Variants in DNAH1 observed in about 807,000 individuals in gnomAD.
The protein encoded by DNAH1 is axonemal beta dynein heavy chain 1.
A neutral mutation model predicts 484.3 loss-of-function variants in DNAH1; 327 were observed. The ratio of observed to expected loss-of-function variants is 0.68; its 90% confidence interval spans 0.62 to 0.74. DNAH1 has a LOEUF of 0.74. DNAH1 is among the 30% of genes least tolerant of loss of function. DNAH1 has a pLI of 0.00. For missense variants in DNAH1, 5,052 were observed against 5,546.8 expected (o/e 0.91, Z 2.83); for synonymous variants, 2,192 against 2,191.9 (o/e 1.00, Z 0.00).
Position 52,396,484 on chromosome 3 carries a change from C to A in DNAH1, c.11376C>A (p.Asn3792Lys), listed in dbSNP as rs768178830. The change falls in exon 71 of 78, where the codon AAC becomes AAA. Residue 3792 changes from asparagine to lysine, a missense_variant. Around this residue, in one of 4 missense-constraint regions of DNAH1, gnomAD observed 853 missense variants for 899.0 expected, o/e 0.95. Coordinates refer to ENST00000420323, the MANE Select transcript of DNAH1 (RefSeq NM_015512.5). ...TIEPPRGVRA[N>K]LLKSYSSLGE... ...AGCCGCCACGCGGTGTCAGGGCCAA[C>A]CTGCTGAAGTCCTATAGTAGCCTTG... 3.1e-6 allele frequency: 5 copies of A among 1,607,258 alleles called. No individual in the cohort carries two copies. In the Admixed American group the frequency reaches 5.1e-5, roughly 16 times the overall value.
rs1344785990 is a variant in DNAH1 at position 52,378,501 on chromosome 3, G to A, written c.7199-101G>A. The A allele has an allele frequency of 3.9e-6, 5 of 1,285,818 alleles. No individual in the cohort carries two copies. In the African/African-American group the frequency reaches 4.4e-5, roughly 11 times the overall value. The allele number at this position is 1,285,818 out of a possible 1,614,324, so 79.7% of individuals were successfully genotyped here. On this transcript the variant is annotated intron_variant, in intron 46 of 77. Transcript: ENST00000420323. ...AGCCTGAAGGCTGGGGAAGGGGCTT[G>A]GTGGGGGGCACAGCACAGCAAAGGC... is the stretch of plus-strand genomic sequence containing the variant.
In DNAH1 at chr3:52,358,879, C is replaced by T. The variant is rs1357912402; in HGVS notation, c.4266+142C>T. On this transcript the variant is annotated intron_variant, in intron 25 of 77. Transcript: ENST00000420323. This position sits in a 1 kb window ranked among gnomAD's most constrained non-coding sequence, Gnocchi z 4.2. ...CTCAGGCGGGATTCTGGAGTCTTTC[C>T]TTTCCACACACACTCCAGAAAGTGG... 5.1e-6 allele frequency: 5 copies of T among 971,026 alleles called. No individual in the cohort carries two copies. The highest frequency in any genetic ancestry group is 2.9e-5 in the Admixed American group (1 of 34,322). The allele number at this position is 971,026 out of a possible 1,614,324, so 60.2% of individuals were successfully genotyped here.
Position 52,369,991 on chromosome 3 carries a change from T to A in DNAH1, c.6110T>A (p.Phe2037Tyr). Residue 2037 changes from phenylalanine to tyrosine, a missense_variant, in exon 38 of 78, where the codon TTC becomes TAC. Around this residue, in one of 4 missense-constraint regions of DNAH1, gnomAD observed 2,929 missense variants for 3,409.4 expected, o/e 0.86. Transcript: ENST00000420323. ...TTGCTGAAGCCCTATGAGGAGCATT[T>A]CAAGGCCCTCTTTGTCAGCTTCCTG... is the stretch of plus-strand genomic sequence containing the variant. Reference protein sequence around the residue: ...PPLLKPYEEHFKALFVSFLEE... With the variant: ...PPLLKPYEEHYKALFVSFLEE... The A allele has an allele frequency of 1.2e-6, 2 of 1,613,534 alleles. No homozygotes were observed. Among genetic ancestry groups the A allele is most frequent in the Non-Finnish European group, 1.7e-6 (2 of 1,179,562 alleles).
Position 52,376,161 on chromosome 3 carries a change from T to A in DNAH1, c.7198+168T>A, listed in dbSNP as rs543409472. ...AGCGAAGGTTGACACAGGCACTGGCTGCCCCATAGGCTCATTCACCCATTC... is the reference window on the plus strand; with the variant it reads ...AGCGAAGGTTGACACAGGCACTGGCAGCCCCATAGGCTCATTCACCCATTC... On this transcript the variant is annotated intron_variant, in intron 46 of 77. Transcript: ENST00000420323. 2.0e-5 allele frequency among the ~76,000 whole-genome samples: 3 copies of A among 152,306 alleles called. No individual in the cohort carries two copies. The East Asian group carries it at 5.8e-4, about 29-fold the overall frequency.
At chr3:52,317,308 T>C (rs1454168012) in intron 1 of DNAH1, among the ~76,000 whole-genome samples, 2 of 152,040 alleles carry the variant, frequency 1.3e-5, no homozygotes, top group Non-Finnish European at 2.9e-5. Flanking sequence ...ATGAGGGGCA[T>C]CAGAGGGTGG....
chr3:52,382,801 T>A (rs1165734787), intron 50 of DNAH1, among the ~76,000 whole-genome samples: 1 of 152,216 alleles, frequency 6.6e-6, no homozygotes, highest in Non-Finnish European at 1.5e-5. Context: ...TGCTCCCTCT[T>A]GGGATGGCAT....
In DNAH1 at chr3:52,398,910, G is replaced by A. The variant is rs574007104; in HGVS notation, c.12150G>A (p.Lys4050=). ...TGCAAGACCTACTCAAGGCACTCAA[G>A]GGGCTGGTAGTGATGTCCTCTCAGC... The part of the protein sequence containing the change: ...QTLQDLLKAL[K]GLVVMSSQLE... Residue 4050 remains lysine (K), a synonymous_variant, in exon 76 of 78, where the codon AAG becomes AAA. Coordinates refer to ENST00000420323, the MANE Select transcript of DNAH1 (RefSeq NM_015512.5). 3.1e-6 allele frequency: 5 copies of A among 1,607,504 alleles called. No homozygotes were observed. The African/African-American group carries it at 5.3e-5, about 17-fold the overall frequency.
chr3:52,318,802 A>G (rs1701043105), intron 1 of DNAH1, among the ~76,000 whole-genome samples: 1 of 152,232 alleles, frequency 6.6e-6, no homozygotes, highest in South Asian at 2.1e-4. Context: ...ATAACCATTC[A>G]TGGTGTTGTT....
In DNAH1 at chr3:52,400,308, C is replaced by A; in HGVS notation, c.12677-17C>A. On this transcript the variant is annotated splice_polypyrimidine_tract_variant and intron_variant, in intron 77 of 77. Transcript: ENST00000420323. ...ATAGGGCATGACCTAACCCGTCCCC[C>A]TCCTTGCCCATTCCAGGAACACTAT... The A allele has an allele frequency of 6.2e-7, 1 of 1,613,786 alleles. No homozygotes were observed. Among genetic ancestry groups the A allele is most frequent in the Non-Finnish European group, 8.5e-7 (1 of 1,179,762 alleles).
rs138706194 is a variant in DNAH1, at chr3:52,329,776, G to C, written c.872-1372G>C. On this transcript the variant is annotated intron_variant, in intron 6 of 77. Transcript: ENST00000420323. ...GAAAGCGGAGGTTGGAGTGAGTGGA[G>C]CTCGCGCCATTGCACTCCAGCCTGG... Among the ~76,000 whole-genome samples, 347 of 151,630 alleles carry C rather than the reference G, an allele frequency of 2.3e-3. 1 individual carries two copies. Among genetic ancestry groups the C allele is most frequent in the African/African-American group, 8.0e-3 (329 of 41,314 alleles).
At chr3:52,385,681 A>G (rs572481037) in intron 54 of DNAH1, among the ~76,000 whole-genome samples, 1 of 152,348 alleles carries the variant, frequency 6.6e-6, no homozygotes, top group Admixed American at 6.5e-5. Flanking sequence ...GAGGAATCTG[A>G]ACGATTCCAA....
intron 44 of DNAH1, 125 bp from the exon 45 acceptor site, chr3:52,375,115 T>C (rs1325634835): frequency 1.8e-6 from 2 of 1,089,344 alleles, no homozygotes; most frequent in Non-Finnish European, 2.6e-6. Flanking sequence ...GTAATATTGA[T>C]GTATTTGTCT....
Position 52,316,347 on chromosome 3 carries a change from A to G in DNAH1, c.-233A>G, listed in dbSNP as rs1490454391. On this transcript the variant is annotated 5_prime_UTR_variant, in exon 1 of 78. Transcript: ENST00000420323. ...GGGTACCCAACCTATACGCAGACCC[A>G]TTGAGCAGCCAGACTGCCCTAAACA... 1.3e-5 allele frequency: 2 copies of G among 152,266 alleles called. No individual in the cohort carries two copies. The highest frequency in any genetic ancestry group is 4.8e-5 in the African/African-American group (2 of 41,456). The allele number at this position is 152,266 out of a possible 1,614,324, so 9.4% of individuals were successfully genotyped here.
chr3:52,345,828 C>T, intron 10 of DNAH1, 122 bp downstream of exon 10: 1 of 1,045,902 alleles, frequency 9.6e-7, no homozygotes. Flanking sequence ...CTGTGAGCCC[C>T]TGCTTTTCTC....
Position 52,383,851 on chromosome 3 carries a change from A to T in DNAH1, c.8151-9A>T. 1 of 1,578,252 alleles carries T rather than the reference A, an allele frequency of 6.3e-7. No individual in the cohort carries two copies. The highest frequency in any genetic ancestry group is 8.6e-7 in the Non-Finnish European group (1 of 1,158,528). On this transcript the variant is annotated splice_polypyrimidine_tract_variant and intron_variant, in intron 51 of 77. Coordinates refer to ENST00000420323, the MANE Select transcript of DNAH1 (RefSeq NM_015512.5). ...TCTCTGGACCTCATTTGGATTCCTG[A>T]CTTTCCAGCCCCATCGGAGAGGTCT...
rs111804399 is a variant in DNAH1 at position 52,395,508 on chromosome 3, G to T, written c.11128-39G>T. 6.9e-4 allele frequency: 1,113 copies of T among 1,613,178 alleles called. 7 individuals carry two copies. The African/African-American group carries it at 0.013, about 19-fold the overall frequency. ...GAGGAAGGGAGTGGGCTGGGGGGTG[G>T]GCAAGCTGGCCCCCTGCTCAGTGCT... On this transcript the variant is annotated intron_variant, in intron 69 of 77. Transcript: ENST00000420323. The surrounding 1 kb of genome is among the most constrained non-coding windows in gnomAD (Gnocchi z 4.4).
Position 52,396,950 on chromosome 3 carries a change from T to C in DNAH1, c.11693T>C (p.Leu3898Ser). 1.9e-6 allele frequency: 3 copies of C among 1,613,516 alleles called. No homozygotes were observed. Among genetic ancestry groups the C allele is most frequent in the Non-Finnish European group, 2.5e-6 (3 of 1,179,838 alleles). Reference protein sequence around the residue: ...DWDRRCIMNILEDFYNPDVLS... With the variant: ...DWDRRCIMNISEDFYNPDVLS... ...GACCGGCGCTGCATCATGAACATCT[T>C]GGAGGACTTCTACAACCCTGACGTG... Residue 3898 changes from leucine (L) to serine (S), a missense_variant, in exon 73 of 78, where the codon TTG becomes TCG. Physicochemically the swap from Leu to Ser is moderately radical, Grantham distance 145. This residue lies in a region of DNAH1 where 853 missense variants were observed against 899.0 expected (regional missense o/e 0.95). Coordinates refer to ENST00000420323, the MANE Select transcript of DNAH1 (RefSeq NM_015512.5).
Position 52,332,070 on chromosome 3 carries a change from C to T in DNAH1, c.1034-72C>T, listed in dbSNP as rs577232906. On this transcript the variant is annotated intron_variant, in intron 7 of 77. Transcript: ENST00000420323. ...GGCCACTGGGCATCCACGGCACAGC[C>T]GGCCGGAACCTAGTGTTTCAGCCCA... The T allele has an allele frequency of 5.3e-5, 79 of 1,501,774 alleles. No individual in the cohort carries two copies. In the South Asian group the frequency reaches 5.4e-4, roughly 10 times the overall value. The allele number at this position is 1,501,774 out of a possible 1,614,324, so 93.0% of individuals were successfully genotyped here. A position where few individuals can be genotyped will look rare whatever the true frequency, so the allele number is the denominator to read the frequency against.
At chr3:52,349,147 A>C (rs1406823968) in intron 13 of DNAH1, 48 bp from the exon 14 acceptor site, 2 of 1,611,438 alleles carry the variant, frequency 1.2e-6, no homozygotes, top group Admixed American at 1.7e-5. Flanking sequence ...TCCCCTGCCC[A>C]CCCTGCTCAC....
Sources: allele counts gnomAD v4.1 joint callset (sites outside exome capture counted in the v4.1 genomes callset), GRCh38; gene constraint gnomAD v4.1.1; regional missense constraint gnomAD v4.1.1; non-coding constraint Gnocchi (gnomAD v3.1); transcripts MANE v1.5; gene names NCBI Gene and HGNC (gene_info 2026-07-23, HGNC 2026-07-21).